CNGB3: variants seen among roughly 807,000 people sequenced by gnomAD.
The protein encoded by CNGB3 is cyclic nucleotide gated channel subunit beta 3, also known as cyclic nucleotide-gated channel beta-3.
In CNGB3, 86 loss-of-function variants were observed where a neutral mutation model predicts 92.8. The observed-to-expected ratio is 0.93, with a 90% CI of 0.78 to 1.11. CNGB3 has a LOEUF of 1.11. Among genes scored for constraint, CNGB3 ranks in the 50% least tolerant of loss-of-function variants. The pLI, the probability that CNGB3 is intolerant of heterozygous loss-of-function variation, is 0.00. For missense variants in CNGB3, 1,026 were observed against 956.8 expected (o/e 1.07, Z -0.95); for synonymous variants, 333 against 332.7 (o/e 1.00, Z -0.01).
At chr8:86,677,996 T>A (rs149547462) in intron 3 of CNGB3, among the ~76,000 whole-genome samples, 2 of 152,298 alleles carry the variant, frequency 1.3e-5, no homozygotes, top group East Asian at 3.9e-4. Context: ...CAGCGACTTA[T>A]TTCTCAAAAA....
intron 6 of CNGB3, chr8:86,659,566 C>A: frequency 1.8e-6 from 1 of 565,320 alleles, no homozygotes; most frequent in East Asian, 3.7e-5. Flanking sequence ...GTATTTGTGT[C>A]TTCTTCTGCT....
chr8:86,582,879 C>T (rs966042248), intron 15 of CNGB3, among the ~76,000 whole-genome samples: 1 of 151,510 alleles, frequency 6.6e-6, no homozygotes, highest in African/African-American at 2.4e-5. Context: ...CAGGTCTACA[C>T]AAAGAAAGGA....
Position 86,634,475 on chromosome 8 carries a change from G to A in CNGB3, c.1179-1582C>T, listed in dbSNP as rs112935830. On this transcript the variant is annotated intron_variant, in intron 10 of 17. Coordinates refer to ENST00000320005, the MANE Select transcript of CNGB3 (RefSeq NM_019098.5). ...ACCTCATCAGAAGTCAAAGACATCT[G>A]TATATATATTTCATAATTCTTGTGC... Among the ~76,000 whole-genome samples, 116 of 152,192 alleles carry A rather than the reference G, an allele frequency of 7.6e-4. 1 individual carries two copies. Among genetic ancestry groups the A allele is most frequent in the African/African-American group, 2.6e-3 (109 of 41,548 alleles).
chr8:86,618,687 AG>A (rs1191117883), intron 13 of CNGB3, among the ~76,000 whole-genome samples: 5 of 152,242 alleles, frequency 3.3e-5, no homozygotes, highest in Non-Finnish European at 5.9e-5. Flanking sequence ...TTAAAAGTCT[AG>A]CAACAATACT....
intron 6 of CNGB3, chr8:86,659,656 G>C (rs1298898127): frequency 2.1e-6 from 1 of 472,198 alleles, no homozygotes; most frequent in African/African-American, 2.0e-5. Context: ...CAGATCCTTT[G>C]ACTCTCCTTC....
At chr8:86,691,772 G>A (rs13269748) in intron 3 of CNGB3, among the ~76,000 whole-genome samples, 30,777 of 151,850 alleles carry the variant, frequency 0.2, 3,511 homozygotes, top group South Asian at 0.3. Context: ...CTGGGTTGTG[G>A]GTTGGTTTGT....
intron 6 of CNGB3, among the ~76,000 whole-genome samples, chr8:86,666,264 G>A (rs1823737595): frequency 6.6e-6 from 1 of 152,170 alleles, no homozygotes; most frequent in Non-Finnish European, 1.5e-5. Context: ...TTTTGGTATT[G>A]ATAATTGATC....
chr8:86,728,538 G>C (rs2131673588), intron 2 of CNGB3, among the ~76,000 whole-genome samples: 1 of 152,316 alleles, frequency 6.6e-6, no homozygotes, highest in East Asian at 1.9e-4. Flanking sequence ...TGCTGTCTGT[G>C]AAAGTGGCAG....
chr8:86,622,066 A>G (rs757898632), intron 13 of CNGB3, among the ~76,000 whole-genome samples: 5 of 152,166 alleles, frequency 3.3e-5, no homozygotes, highest in Non-Finnish European at 5.9e-5. Flanking sequence ...AACAACAAAA[A>G]AAGGAATAAT....
chr8:86,733,788 T>C (rs900313596), intron 2 of CNGB3, among the ~76,000 whole-genome samples: 2 of 152,214 alleles, frequency 1.3e-5, no homozygotes, highest in African/African-American at 4.8e-5. Context: ...TGCTAATTGT[T>C]ACTGCCAAGG....
chr8:86,575,586 A>T lies in CNGB3; in HGVS notation c.*218T>A. 2.0e-6 allele frequency: 1 copy of T among 499,400 alleles called. No individual in the cohort carries two copies. Among genetic ancestry groups the T allele is most frequent in the Non-Finnish European group, 3.5e-6 (1 of 284,104 alleles). The allele number at this position is 499,400 out of a possible 1,614,324, so 30.9% of individuals were successfully genotyped here. On this transcript the variant is annotated 3_prime_UTR_variant, in exon 18 of 18. Coordinates refer to ENST00000320005, the MANE Select transcript of CNGB3 (RefSeq NM_019098.5). ...ATTAGAAGATATAGCAATTGCATAAAGTTAATGAAAACGGAGAATAGGGAT... is the reference window on the plus strand; with the variant it reads ...ATTAGAAGATATAGCAATTGCATAATGTTAATGAAAACGGAGAATAGGGAT...
chr8:86,719,407 G>T (rs1015085083), intron 3 of CNGB3, among the ~76,000 whole-genome samples: 18 of 151,926 alleles, frequency 1.2e-4, no homozygotes, highest in African/African-American at 4.3e-4. Context: ...TCAAGAACTC[G>T]ATCCCCTTTA....
intron 6 of CNGB3, among the ~76,000 whole-genome samples, chr8:86,656,025 C>T (rs1264999870): frequency 6.6e-6 from 1 of 152,096 alleles, no homozygotes; most frequent in South Asian, 2.1e-4. Flanking sequence ...CTAGTTACTC[C>T]CCACACTACT....
chr8:86,603,062 A>G (rs1822340048), intron 15 of CNGB3, among the ~76,000 whole-genome samples: 1 of 152,118 alleles, frequency 6.6e-6, no homozygotes, highest in Non-Finnish European at 1.5e-5. Context: ...TGAATGGCTG[A>G]TCCTTTTCTC....
chr8:86,607,149 T>A (rs1184736034), intron 14 of CNGB3, among the ~76,000 whole-genome samples: 1 of 152,222 alleles, frequency 6.6e-6, no homozygotes, highest in Non-Finnish European at 1.5e-5. Flanking sequence ...TTTAATTATT[T>A]TTTAATGATC....
chr8:86,654,814 C>T (rs1326055807), intron 6 of CNGB3, among the ~76,000 whole-genome samples: 1 of 152,058 alleles, frequency 6.6e-6, no homozygotes, highest in African/African-American at 2.4e-5. Context: ...GTCAACATTC[C>T]CCAGGATTTA....
At chr8:86,687,509 TG>T (rs1824212845) in intron 3 of CNGB3, among the ~76,000 whole-genome samples, 3 of 151,848 alleles carry the variant, frequency 2.0e-5, no homozygotes. Context: ...AAAATGCAAA[TG>T]TTGAATACCA....
intron 6 of CNGB3, among the ~76,000 whole-genome samples, chr8:86,665,648 G>GA (rs1823727959): frequency 6.6e-6 from 1 of 152,140 alleles, no homozygotes; most frequent in African/African-American, 2.4e-5. Context: ...TGCAGGAACA[G>GA]AAAAACAAAT....
At chr8:86,589,647 T>C (rs1254716318) in intron 15 of CNGB3, among the ~76,000 whole-genome samples, 3 of 152,130 alleles carry the variant, frequency 2.0e-5, no homozygotes, top group East Asian at 3.8e-4. Context: ...AGTTGAGCGG[T>C]TTTGAGTGAG....
Sources: gnomAD v4.1 joint callset for allele counts (sites outside exome capture counted in the v4.1 genomes callset) on GRCh38, gnomAD v4.1.1 for gene constraint, MANE v1.5 for transcripts, NCBI Gene and HGNC (gene_info 2026-07-23, HGNC 2026-07-21) for gene names.